Variants in JAKMIP3 observed in about 807,000 individuals in gnomAD.
JAKMIP3 encodes janus kinase and microtubule-interacting protein 3.
A neutral mutation model predicts 118.5 loss-of-function variants in JAKMIP3; 58 were observed. The ratio of observed to expected loss-of-function variants is 0.49; its 90% CI spans 0.40 to 0.61. JAKMIP3 has a LOEUF of 0.61. JAKMIP3 is among the 20% of genes least tolerant of loss of function. The probability of loss-of-function intolerance (pLI) is 0.00; values close to 1 mark genes in which losing one functional copy is unlikely to be tolerated. For missense variants in JAKMIP3, 950 were observed against 1,109.0 expected (o/e 0.86, Z 2.04); for synonymous variants, 486 against 451.2 (o/e 1.08, Z -0.98).
intron 2 of JAKMIP3, among the ~76,000 whole-genome samples, chr10:132,116,232 C>T (rs182906072): frequency 7.2e-5 from 11 of 152,338 alleles, no homozygotes; most frequent in East Asian, 1.9e-4. Context: ...TTACAGATTC[C>T]GGTGGGTGAC....
At chr10:132,180,742 C>CGCGTGTGT (rs1412152341) in intron 23 of JAKMIP3, among the ~76,000 whole-genome samples, 2 of 8,716 alleles carry the variant, frequency 2.3e-4, no homozygotes, top group African/African-American at 5.8e-4. Flanking sequence ...TGTGTGCGTG[C>CGCGTGTGT]GTGCGCGCGC....
intron 1 of JAKMIP3, among the ~76,000 whole-genome samples, chr10:132,058,202 A>T (rs1288394908): frequency 6.6e-6 from 1 of 152,178 alleles, no homozygotes; most frequent in African/African-American, 2.4e-5. Flanking sequence ...TTCGGCAGTG[A>T]CTTTGGAACG....
At chr10:132,178,693 G>A (rs1328999096) in intron 23 of JAKMIP3, among the ~76,000 whole-genome samples, 7 of 152,204 alleles carry the variant, frequency 4.6e-5, no homozygotes, top group African/African-American at 1.2e-4. Context: ...CTTGTCTCAT[G>A]CACATTTTTG....
Position 132,167,872 on chromosome 10 carries a change from C to CCCTCGCG in JAKMIP3, c.*23-75_*23-74insGCCTCGC, listed in dbSNP as rs1425968642. 4,931 of 1,104,546 alleles carry CCCTCGCG rather than the reference C, an allele frequency of 4.5e-3. 70 individuals carry two copies. Among genetic ancestry groups the CCCTCGCG allele is most frequent in the Non-Finnish European group, 5.5e-3 (4,527 of 826,964 alleles). 68.4% of individuals were successfully genotyped at this position (1,104,546 alleles called of 1,614,324 possible). On this transcript the variant is annotated intron_variant, in intron 22 of 23. Transcript: ENST00000684848. ...TCGCCCCTCACCCCTCGGCCCTCGC[C>CCCTCGCG]CCTCGCCCCTCGGCCCTCGCCCCTC... is the stretch of plus-strand genomic sequence containing the variant.
At chr10:132,111,454 C>G (rs2046863613) in intron 2 of JAKMIP3, among the ~76,000 whole-genome samples, 1 of 152,090 alleles carries the variant, frequency 6.6e-6, no homozygotes, top group African/African-American at 2.4e-5. Flanking sequence ...ACCTCGAGCG[C>G]CGGGAAGTCC....
In JAKMIP3 at chr10:132,182,340, T is replaced by G. The variant is rs1365607799; in HGVS notation, c.*1104-17T>G. On this transcript the variant is annotated splice_polypyrimidine_tract_variant and intron_variant, in intron 23 of 23. Coordinates refer to ENST00000684848, the MANE Select transcript of JAKMIP3 (RefSeq NM_001323087.2). ...CAGGTCGTCGCACTAAACGGCGTTTTCTCCACTCTTTTTCAGAGAGGAAGC... is the reference window on the plus strand; with the variant it reads ...CAGGTCGTCGCACTAAACGGCGTTTGCTCCACTCTTTTTCAGAGAGGAAGC... 1 of 152,250 alleles carries G rather than the reference T, an allele frequency of 6.6e-6. No homozygotes were observed. The highest frequency in any genetic ancestry group is 2.4e-5 in the African/African-American group (1 of 41,466). The allele number at this position is 152,250 out of a possible 1,614,324, so 9.4% of individuals were successfully genotyped here.
chr10:132,057,895 T>A (rs1014767227), intron 1 of JAKMIP3, among the ~76,000 whole-genome samples: 1 of 152,234 alleles, frequency 6.6e-6, no homozygotes, highest in Non-Finnish European at 1.5e-5. Context: ...ATAATGGCAC[T>A]GTGACCACAC....
intron 10 of JAKMIP3, among the ~76,000 whole-genome samples, chr10:132,141,694 G>C (rs1215836375): frequency 2.0e-5 from 3 of 152,164 alleles, no homozygotes; most frequent in Admixed American, 6.5e-5. Flanking sequence ...CCAGGGCTCG[G>C]TGCTCCCCTC....
chr10:132,135,959 G>A lies in JAKMIP3; in HGVS notation c.999G>A (p.Gln333=), dbSNP rs372427816. 5 of 1,613,264 alleles carry A rather than the reference G, an allele frequency of 3.1e-6. No individual in the cohort carries two copies. Among genetic ancestry groups the A allele is most frequent in the South Asian group, 1.1e-5 (1 of 90,992 alleles). The change falls in exon 6 of 24, where the codon CAG becomes CAA. Residue 333 remains glutamine, a synonymous_variant. Coordinates refer to ENST00000684848, the MANE Select transcript of JAKMIP3 (RefSeq NM_001323087.2). The stretch of plus-strand genomic sequence containing the variant: ...AGCGCGTAAGAGAAGCTGAGAGTCA[G>A]TACAAGCCTCTGCTGGATAAAAACA... The part of the protein sequence containing the change: ...LLKRVREAES[Q]YKPLLDKNKR...
At chr10:132,180,556 T>TGTGTGTGC (rs1419059069) in intron 23 of JAKMIP3, among the ~76,000 whole-genome samples, 6 of 4,014 alleles carry the variant, frequency 1.5e-3, no homozygotes, top group Non-Finnish European at 2.7e-3. Flanking sequence ...CGTGCGTGCA[T>TGTGTGTGC]GCGTGTGTGT....
rs769529509 is a variant in JAKMIP3, at chr10:132,112,561, C to A, written c.136-4516C>A. ...TCTTCAGTGTTTTTGTCTACAAAGT[C>A]CCGCTTGGCTCTGTGTTCACAGAGA... On this transcript the variant is annotated intron_variant, in intron 2 of 23. Transcript: ENST00000684848. This position sits in a 1 kb window ranked among gnomAD's most constrained non-coding sequence, Gnocchi z 4.3. Among the ~76,000 whole-genome samples the A allele has an allele frequency of 2.0e-5, 3 of 152,196 alleles. No homozygotes were observed. Among genetic ancestry groups the A allele is most frequent in the Non-Finnish European group, 4.4e-5 (3 of 68,032 alleles).
intron 3 of JAKMIP3, among the ~76,000 whole-genome samples, chr10:132,126,733 A>G (rs914780498): frequency 3.4e-5 from 5 of 145,394 alleles, no homozygotes; most frequent in African/African-American, 5.0e-5. Flanking sequence ...TTTTATGCAT[A>G]AATCAAAATG....
chr10:132,056,003 ACCTGGGGACACTTGAGTCCG>A (rs1167474471), intron 1 of JAKMIP3, among the ~76,000 whole-genome samples: 3 of 152,128 alleles, frequency 2.0e-5, no homozygotes, highest in Admixed American at 1.3e-4. Flanking sequence ...ACATGACTCC[ACCTGGGGACACTTGAGTCCG>A]CCTGGGGACA....
In JAKMIP3 at chr10:132,171,651, T is replaced by TG. The variant is rs879449863; in HGVS notation, c.*1103+2618_*1103+2619insG. ...GATGTCCCTGTCTTATTTTTTTCTT[T>TG]CTTTTTTTTTTTTTTTTTTGAGACA... On this transcript the variant is annotated intron_variant, in intron 23 of 23. Transcript: ENST00000684848. Among the ~76,000 whole-genome samples the TG allele has an allele frequency of 1.2e-3, 155 of 129,570 alleles. 2 individuals are homozygous for TG. Among genetic ancestry groups the TG allele is most frequent in the Non-Finnish European group, 1.8e-3 (108 of 59,510 alleles). The allele number at this position is 129,570 out of a possible 152,430, so 85.0% of individuals were successfully genotyped here.
At chr10:132,159,200 CTGTG>C in intron 19 of JAKMIP3, among the ~76,000 whole-genome samples, 1 of 11,634 alleles carries the variant, frequency 8.6e-5, no homozygotes, top group South Asian at 2.6e-3. Flanking sequence ...GCATCTCTCC[CTGTG>C]TGATGCTGTG....
At chr10:132,064,881 CG>C (rs752646998), upstream of JAKMIP3, among the ~76,000 whole-genome samples, 11 of 152,130 alleles carry the variant, frequency 7.2e-5, no homozygotes, top group Non-Finnish European at 1.5e-4. This position sits in a 1 kb window ranked among gnomAD's most constrained non-coding sequence, Gnocchi z 4.4. Flanking sequence ...TGATGCCTGC[CG>C]GTCTCAGCTT....
At position 132,145,542 on chromosome 10, in the gene JAKMIP3, C is replaced by G. The variant is rs2054433092; in HGVS notation, c.1711C>G (p.Gln571Glu). 2.6e-6 allele frequency: 4 copies of G among 1,564,218 alleles called. No individual in the cohort carries two copies. Among genetic ancestry groups the G allele is most frequent in the Admixed American group, 1.9e-5 (1 of 52,454 alleles). ...GQDMKWIEEK[Q>E]ALYRRNQELV... ...GGATATGAAGTGGATTGAAGAGAAG[C>G]AGGCACTGTACCGGAGAAATCAAGA... Residue 571 changes from glutamine to glutamate, a missense_variant, in exon 13 of 24, where the codon CAG (glutamine) becomes GAG (glutamate). Transcript: ENST00000684848.
At chr10:132,170,372 C>T (rs1260879938) in intron 23 of JAKMIP3, 1 of 152,342 alleles carries the variant, frequency 6.6e-6, no homozygotes, top group Non-Finnish European at 1.5e-5. Flanking sequence ...AACCTCCCCG[C>T]GGAGGCTTCC....
At chr10:132,153,340 C>T (rs2056560367) in intron 17 of JAKMIP3, among the ~76,000 whole-genome samples, 2 of 152,342 alleles carry the variant, frequency 1.3e-5, no homozygotes, top group Admixed American at 6.5e-5. Flanking sequence ...TCTGGGGCCA[C>T]CCAGCCCACT....
Sources: allele counts gnomAD v4.1 joint callset (sites outside exome capture counted in the v4.1 genomes callset), GRCh38; gene constraint gnomAD v4.1.1; non-coding constraint Gnocchi (gnomAD v3.1); transcripts MANE v1.5; gene names NCBI Gene and HGNC (gene_info 2026-07-23, HGNC 2026-07-21).